The following PDHB variants were observed in gnomAD, a reference collection of about 807,000 sequenced individuals.
The protein encoded by PDHB is pyruvate dehydrogenase E1 component subunit beta, mitochondrial.
In PDHB, 17 loss-of-function variants were observed where a neutral mutation model predicts 42.8. The observed-to-expected ratio is 0.40, with a 90% CI of 0.27 to 0.60. PDHB has a LOEUF of 0.60. Among genes scored for constraint, PDHB ranks in the 20% least tolerant of loss-of-function variants. The pLI, the probability that PDHB is intolerant of heterozygous loss-of-function variation, is 0.46. For synonymous variants in PDHB, 154 were observed against 148.7 expected (o/e 1.04, Z -0.26); for missense variants, 322 against 451.3 (o/e 0.71, Z 2.60).
At chr3:58,428,378 A>G (rs777985591) in intron 9 of PDHB, 95 bp downstream of exon 9, 2 of 1,420,692 alleles carry the variant, frequency 1.4e-6, no homozygotes, top group African/African-American at 2.8e-5. Context: ...TCGTTTGGCC[A>G]CTCCTAGCTT....
rs1367119145 is a variant in PDHB, at chr3:58,431,065, G to T, written c.304-123C>A. The T allele has an allele frequency of 6.8e-6, 7 of 1,027,340 alleles. No homozygotes were observed. The African/African-American group carries it at 9.5e-5, about 14-fold the overall frequency. The allele number at this position is 1,027,340 out of a possible 1,614,324, so 63.6% of individuals were successfully genotyped here. On this transcript the variant is annotated intron_variant, in intron 5 of 9. Coordinates refer to ENST00000302746, the MANE Select transcript of PDHB (RefSeq NM_000925.4). This position sits in a 1 kb window ranked among gnomAD's most constrained non-coding sequence, Gnocchi z 4.4. Reference sequence around the variant, plus strand: ...TTATTTTTTATTTTTATTTTTTATGGACAGGGTCTCACTGTCACCCATGCT... The same window carrying T: ...TTATTTTTTATTTTTATTTTTTATGTACAGGGTCTCACTGTCACCCATGCT...
Position 58,431,828 on chromosome 3 carries a change from G to C in PDHB, c.205-35C>G. ...AGAGTTGATCCCTTAAGTGTATCTGGGGGTAACAGTGACCTCAATTTTGTA... is the reference window on the plus strand; with the variant it reads ...AGAGTTGATCCCTTAAGTGTATCTGCGGGTAACAGTGACCTCAATTTTGTA... On this transcript the variant is annotated intron_variant, in intron 3 of 9. Transcript: ENST00000302746. This position sits in a 1 kb window ranked among gnomAD's most constrained non-coding sequence, Gnocchi z 4.4. The C allele has an allele frequency of 6.2e-7, 1 of 1,607,462 alleles. No individual in the cohort carries two copies. Among genetic ancestry groups the C allele is most frequent in the Non-Finnish European group, 8.5e-7 (1 of 1,174,022 alleles).
In PDHB at chr3:58,431,683, C is replaced by T. The variant is rs1349281297; in HGVS notation, c.267+48G>A. On this transcript the variant is annotated intron_variant, in intron 4 of 9. Coordinates refer to ENST00000302746, the MANE Select transcript of PDHB (RefSeq NM_000925.4). This position sits in a 1 kb window ranked among gnomAD's most constrained non-coding sequence, Gnocchi z 4.4. ...AATCCATAAAAATGAGGATAATGGA[C>T]ACTAACAGACATGCCCTCCAGGGTC... 6.3e-7 allele frequency: 1 copy of T among 1,593,074 alleles called. No individual in the cohort carries two copies. Among genetic ancestry groups the T allele is most frequent in the Admixed American group, 1.7e-5 (1 of 59,994 alleles).
rs763021302 is a variant in PDHB, at chr3:58,430,186, C to A, written c.642G>T (p.Pro214=). ...TCAGAAAATCTTTTGACTGAGCTTC[C>A]GGAGGAAATTCAAAAGGAACCCCAT... ...LMYGVPFEFP[P]EAQSKDFLIP... is the part of the protein sequence containing the mutation. The change falls in exon 7 of 10, where the codon CCG becomes CCT. Residue 214 remains proline (P), a synonymous_variant. Transcript: ENST00000302746. The A allele has an allele frequency of 1.9e-6, 3 of 1,612,804 alleles. No individual in the cohort carries two copies. The highest frequency in any genetic ancestry group is 2.5e-6 in the Non-Finnish European group (3 of 1,179,418).
At chr3:58,433,557 G>T in intron 2 of PDHB, 74 bp downstream of exon 2, 1 of 1,491,538 alleles carries the variant, frequency 6.7e-7, no homozygotes. Flanking sequence ...CAGCGCAGGC[G>T]CGACTCCGGC....
In PDHB at chr3:58,433,801, C is replaced by T. The variant is rs1245696268; in HGVS notation, c.9G>A (p.Ala3=). 1 of 1,611,514 alleles carries T rather than the reference C, an allele frequency of 6.2e-7. No homozygotes were observed. ...GGGGTCTCCGCACCAAGCCAGACAC[C>T]GCCGCCATCTTGGTCGTGTCCTCTA... MA[A]VSGLVRRPLR... The change falls in exon 1 of 10, where the codon GCG becomes GCA. Residue 3 remains alanine, a synonymous_variant. Coordinates refer to ENST00000302746, the MANE Select transcript of PDHB (RefSeq NM_000925.4).
chr3:58,432,825 C>T (rs1204750906), intron 2 of PDHB: 2 of 152,260 alleles, frequency 1.3e-5, no homozygotes, highest in African/African-American at 4.8e-5. Flanking sequence ...ATGGTGAGAC[C>T]CTGTCTGTAC....
Position 58,431,513 on chromosome 3 carries a change from AGAGT to A in PDHB, c.303+76_303+79del, listed in dbSNP as rs1187561095. On this transcript the variant is annotated intron_variant, in intron 5 of 9. Coordinates refer to ENST00000302746, the MANE Select transcript of PDHB (RefSeq NM_000925.4). The surrounding 1 kb of genome is among the most constrained non-coding windows in gnomAD (Gnocchi z 4.4). Reference sequence around the variant, plus strand: ...GCCAGTGCACTCCAGGCTGGACAACAGAGTGAGACTCTGTCTCAAAAGAAAAAAA... The same window carrying A: ...GCCAGTGCACTCCAGGCTGGACAACAGAGACTCTGTCTCAAAAGAAAAAAA... 1 of 1,129,928 alleles carries A rather than the reference AGAGT, an allele frequency of 8.9e-7. No individual in the cohort carries two copies. Among genetic ancestry groups the A allele is most frequent in the Non-Finnish European group, 1.3e-6 (1 of 743,012 alleles). 70.0% of individuals were successfully genotyped at this position (1,129,928 alleles called of 1,614,324 possible). A position where few individuals can be genotyped will look rare whatever the true frequency, so the allele number is the denominator to read the frequency against.
In PDHB at chr3:58,429,331, C is replaced by G. The variant is rs1328561704; in HGVS notation, c.792+377G>C. Among the ~76,000 whole-genome samples, 9 of 152,052 alleles carry G rather than the reference C, an allele frequency of 5.9e-5. No individual in the cohort carries two copies. The East Asian group carries it at 1.7e-3, about 29-fold the overall frequency. On this transcript the variant is annotated intron_variant, in intron 8 of 9. Coordinates refer to ENST00000302746, the MANE Select transcript of PDHB (RefSeq NM_000925.4). ...GGTGAGTTTCTAAAAGATCCAGAAC[C>G]TCAGAAGGGTGAGGTGGGAGCATCA...
chr3:58,428,088 A>G lies in PDHB; in HGVS notation c.1026T>C (p.Ser342=), dbSNP rs771426412. ...ATATGATGTCTTTGACCTGAGGTAT[A>G]GAGTTGTCCTCTAGAATCTTTGCAT... ...MPYAKILEDN[S]IPQVKDIIFA... The change falls in exon 10 of 10, where the codon TCT becomes TCC. Residue 342 remains serine, a synonymous_variant. Transcript: ENST00000302746. The G allele has an allele frequency of 1.2e-6, 2 of 1,610,240 alleles. No homozygotes were observed. The highest frequency in any genetic ancestry group is 1.1e-5 in the South Asian group (1 of 90,994).
At position 58,433,827 on chromosome 3, in the gene PDHB, T is replaced by A; in HGVS notation, c.-18A>T. On this transcript the variant is annotated 5_prime_UTR_variant, in exon 1 of 10. Coordinates refer to ENST00000302746, the MANE Select transcript of PDHB (RefSeq NM_000925.4). The stretch of plus-strand genomic sequence containing the variant: ...GCCGCCATCTTGGTCGTGTCCTCTA[T>A]CCGCTGCCAAACGACAACAGAGGGG... 6.2e-7 allele frequency: 1 copy of A among 1,607,822 alleles called. No homozygotes were observed. The highest frequency in any genetic ancestry group is 8.5e-7 in the Non-Finnish European group (1 of 1,177,964).
In PDHB at chr3:58,433,797, A is replaced by ACAC. The variant is rs2062945721; in HGVS notation, c.10_12dup (p.Val4dup). The ACAC allele has an allele frequency of 6.2e-7, 1 of 1,611,596 alleles. No homozygotes were observed. The highest frequency in any genetic ancestry group is 1.7e-5 in the Admixed American group (1 of 59,880). On this transcript the variant is annotated inframe_insertion, in exon 1 of 10. Transcript: ENST00000302746. ...CGAAGGGGTCTCCGCACCAAGCCAGACACCGCCGCCATCTTGGTCGTGTCC... is the reference window on the plus strand; with the variant it reads ...CGAAGGGGTCTCCGCACCAAGCCAGACACCACCGCCGCCATCTTGGTCGTGTCC...
chr3:58,428,841 A>G, intron 8 of PDHB: 1 of 551,810 alleles, frequency 1.8e-6, no homozygotes, highest in Non-Finnish European at 3.2e-6. Context: ...TATAGGATTC[A>G]TTTATCTTCC....
At chr3:58,430,524 T>G in intron 6 of PDHB, 133 bp downstream of exon 6, 1 of 811,402 alleles carries the variant, frequency 1.2e-6, no homozygotes, top group South Asian at 1.6e-5. Flanking sequence ...TTTACTATCT[T>G]TACTATATAA....
chr3:58,429,666 G>T (rs371641536), intron 8 of PDHB, 42 bp downstream of exon 8: 47 of 1,176,352 alleles, frequency 4.0e-5, no homozygotes, highest in Non-Finnish European at 5.5e-5. Context: ...AATCTAAAAG[G>T]AGCCCTTCTA....
chr3:58,427,715 T>C lies in PDHB; in HGVS notation c.*319A>G, dbSNP rs989068745. On this transcript the variant is annotated 3_prime_UTR_variant, in exon 10 of 10. Transcript: ENST00000302746. ...GCTTTAATTTTATACATATAAGTTATCTTGTTTGGATACATCTTTCATGAG... is the reference window on the plus strand; with the variant it reads ...GCTTTAATTTTATACATATAAGTTACCTTGTTTGGATACATCTTTCATGAG... 1.3e-5 allele frequency: 6 copies of C among 461,742 alleles called. No homozygotes were observed. The highest frequency in any genetic ancestry group is 1.2e-4 in the Admixed American group (5 of 41,300). 28.6% of individuals were successfully genotyped at this position (461,742 alleles called of 1,614,324 possible).
Position 58,431,272 on chromosome 3 carries a change from G to A in PDHB, c.303+321C>T. 2.2e-6 allele frequency: 1 copy of A among 462,398 alleles called. No individual in the cohort carries two copies. Among genetic ancestry groups the A allele is most frequent in the Non-Finnish European group, 3.9e-6 (1 of 254,276 alleles). 28.6% of individuals were successfully genotyped at this position (462,398 alleles called of 1,614,324 possible). A position where few individuals can be genotyped will look rare whatever the true frequency, so the allele number is the denominator to read the frequency against. ...GTGATGTTAAATCTCTTTGGGGATG[G>A]GCACAGTGGCTCACGCCTGTAATCC... is the stretch of plus-strand genomic sequence containing the variant. On this transcript the variant is annotated intron_variant, in intron 5 of 9. Coordinates refer to ENST00000302746, the MANE Select transcript of PDHB (RefSeq NM_000925.4). The surrounding 1 kb of genome is among the most constrained non-coding windows in gnomAD (Gnocchi z 4.4).
Position 58,431,094 on chromosome 3 carries a change from G to A in PDHB, c.304-152C>T, listed in dbSNP as rs757508721. The A allele has an allele frequency of 1.8e-4, 140 of 769,756 alleles. No homozygotes were observed. In the Middle Eastern group the frequency reaches 2.6e-3, roughly 14 times the overall value. The allele number at this position is 769,756 out of a possible 1,614,324, so 47.7% of individuals were successfully genotyped here. ...GGGTCTCACTGTCACCCATGCTGGA[G>A]TGCAGTGGCACACATCATAGCTCAC... On this transcript the variant is annotated intron_variant, in intron 5 of 9. Transcript: ENST00000302746. The surrounding 1 kb of genome is among the most constrained non-coding windows in gnomAD (Gnocchi z 4.4).
In PDHB at chr3:58,427,988, G is replaced by C. The variant is rs1560186159; in HGVS notation, c.*46C>G. On this transcript the variant is annotated 3_prime_UTR_variant, in exon 10 of 10. Transcript: ENST00000302746. Reference sequence around the variant, plus strand: ...CAGTACAAATCCAGGTGCAGTGCCAGCAAGTATTTCAAATAAATTTCAACG... The same window carrying C: ...CAGTACAAATCCAGGTGCAGTGCCACCAAGTATTTCAAATAAATTTCAACG... 1 of 1,417,626 alleles carries C rather than the reference G, an allele frequency of 7.1e-7. No individual in the cohort carries two copies. The highest frequency in any genetic ancestry group is 1.7e-5 in the Admixed American group (1 of 58,556). The allele number at this position is 1,417,626 out of a possible 1,614,324, so 87.8% of individuals were successfully genotyped here. A position where few individuals can be genotyped will look rare whatever the true frequency, so the allele number is the denominator to read the frequency against.
Sources: allele counts gnomAD v4.1 joint callset (sites outside exome capture counted in the v4.1 genomes callset), GRCh38; gene constraint gnomAD v4.1.1; non-coding constraint Gnocchi (gnomAD v3.1); transcripts MANE v1.5; gene names NCBI Gene and HGNC (gene_info 2026-07-23, HGNC 2026-07-21).